AGMO: variants seen among roughly 807,000 people sequenced by gnomAD.
AGMO encodes the protein glyceryl-ether monooxygenase.
A neutral mutation model predicts 60.2 loss-of-function variants in AGMO; 75 were observed. The ratio of observed to expected loss-of-function variants is 1.25; its 90% CI spans 1.03 to 1.51. The LOEUF is 1.51. Among genes scored for constraint, AGMO ranks in the 40% most tolerant of loss-of-function variants. The pLI is 0.00. For synonymous variants in AGMO, 261 were observed against 177.1 expected (o/e 1.47, Z -3.76); for missense variants, 763 against 525.5 (o/e 1.45, Z -4.42).
chr7:15,446,054 T>C (rs1189489898), intron 3 of AGMO, among the ~76,000 whole-genome samples: 2 of 152,238 alleles, frequency 1.3e-5, no homozygotes, highest in East Asian at 3.9e-4. Context: ...GGAAGTGTTA[T>C]TTTCAAAACT....
chr7:15,445,433 G>T (rs987959005), intron 3 of AGMO, among the ~76,000 whole-genome samples: 1 of 151,886 alleles, frequency 6.6e-6, no homozygotes, highest in Non-Finnish European at 1.5e-5. Context: ...TGTTCCTTTG[G>T]TCCTGGGGTT....
Position 15,493,576 on chromosome 7 carries a change from T to C in AGMO, c.409+51196A>G, listed in dbSNP as rs1018489307. Among the ~76,000 whole-genome samples the C allele has an allele frequency of 4.0e-5, 6 of 151,508 alleles. No individual in the cohort carries two copies. The East Asian group carries it at 9.8e-4, about 25-fold the overall frequency. ...TTTTTTAGTAGAGACGGGGTTTCAC[T>C]GTGTTAGCCAGGATGGTCTCGATCT... is the stretch of plus-strand genomic sequence containing the variant. On this transcript the variant is annotated intron_variant, in intron 3 of 12. Coordinates refer to ENST00000342526, the MANE Select transcript of AGMO (RefSeq NM_001004320.2).
intron 10 of AGMO, among the ~76,000 whole-genome samples, chr7:15,370,310 G>A (rs1325760144): frequency 1.3e-5 from 2 of 152,154 alleles, no homozygotes; most frequent in East Asian, 3.9e-4. Flanking sequence ...CCGTTGGTGG[G>A]CACCTAGGTT....
At chr7:15,455,566 T>A (rs1053726046) in intron 3 of AGMO, among the ~76,000 whole-genome samples, 2 of 152,140 alleles carry the variant, frequency 1.3e-5, no homozygotes, top group African/African-American at 4.8e-5. Flanking sequence ...TTATTCCTCC[T>A]TGTCTTGCTA....
chr7:15,206,823 G>T (rs1256631931), intron 12 of AGMO, among the ~76,000 whole-genome samples: 1 of 152,056 alleles, frequency 6.6e-6, no homozygotes, highest in East Asian at 1.9e-4. Flanking sequence ...CATTAAAACA[G>T]AGTTTTCACT....
At chr7:15,325,709 T>A (rs1033193685) in intron 12 of AGMO, among the ~76,000 whole-genome samples, 2 of 152,172 alleles carry the variant, frequency 1.3e-5, no homozygotes, top group African/African-American at 4.8e-5. Flanking sequence ...TTGTACCTTA[T>A]CAGCTCACAT....
At chr7:15,137,487 T>G in the AGMO span, among the ~76,000 whole-genome samples, 1 of 152,224 alleles carries the variant, frequency 6.6e-6, no homozygotes, top group Admixed American at 6.5e-5. Flanking sequence ...AAATTGTTCC[T>G]CAGGGATTTG....
intron 3 of AGMO, among the ~76,000 whole-genome samples, chr7:15,523,003 A>T (rs942960264): frequency 6.6e-6 from 1 of 152,234 alleles, no homozygotes; most frequent in African/African-American, 2.4e-5. Flanking sequence ...TTTACAAGAA[A>T]AAAACAACCT....
intron 10 of AGMO, among the ~76,000 whole-genome samples, chr7:15,368,681 C>A (rs1783082666): frequency 6.6e-6 from 1 of 152,058 alleles, no homozygotes; most frequent in South Asian, 2.1e-4. Flanking sequence ...TGTTCAGGAG[C>A]TTAGGCTAAT....
chr7:15,285,592 C>G (rs1163650077), intron 12 of AGMO, among the ~76,000 whole-genome samples: 1 of 151,982 alleles, frequency 6.6e-6, no homozygotes, highest in African/African-American at 2.4e-5. Context: ...CAAATGGAAA[C>G]ATATCCCAGG....
intron 12 of AGMO, among the ~76,000 whole-genome samples, chr7:15,289,181 T>A (rs1784185952): frequency 6.6e-6 from 1 of 152,136 alleles, no homozygotes; most frequent in Non-Finnish European, 1.5e-5. Context: ...ATAATTTAAA[T>A]CATTAAAATA....
intron 12 of AGMO, among the ~76,000 whole-genome samples, chr7:15,304,066 A>G (rs759016062): frequency 1.3e-5 from 2 of 152,184 alleles, no homozygotes; most frequent in Non-Finnish European, 2.9e-5. Context: ...CCTTTTACAT[A>G]TAACAATGCC....
At chr7:15,274,763 A>G (rs1422115028) in intron 12 of AGMO, among the ~76,000 whole-genome samples, 1 of 150,924 alleles carries the variant, frequency 6.6e-6, no homozygotes, top group Non-Finnish European at 1.5e-5. Context: ...CATATTGAGA[A>G]TTTCTAATGT....
At position 15,294,549 on chromosome 7, in the gene AGMO, C is replaced by T. The variant is rs180690524; in HGVS notation, c.1263+70965G>A. Among the ~76,000 whole-genome samples the T allele has an allele frequency of 1.9e-3, 283 of 151,170 alleles. 1 individual carries two copies. Among genetic ancestry groups the T allele is most frequent in the Non-Finnish European group, 3.1e-3 (208 of 67,624 alleles). On this transcript the variant is annotated intron_variant, in intron 12 of 12. Transcript: ENST00000342526. ...AGGAAAAACTTGAAAAAAATGTGTG[C>T]GACATGTATTTTTAAAGGTCTTAAA...
intron 12 of AGMO, among the ~76,000 whole-genome samples, chr7:15,257,901 AG>A (rs950774677): frequency 6.6e-6 from 1 of 152,198 alleles, no homozygotes; most frequent in Non-Finnish European, 1.5e-5. Context: ...TGCTTCTTAG[AG>A]CCACACCCAA....
chr7:15,534,531 T>A (rs1009742449), intron 3 of AGMO, among the ~76,000 whole-genome samples: 1 of 151,960 alleles, frequency 6.6e-6, no homozygotes, highest in Non-Finnish European at 1.5e-5. Flanking sequence ...CTAACTTCAG[T>A]ATAAATCTAA....
the AGMO span, among the ~76,000 whole-genome samples, chr7:15,126,178 A>G: frequency 6.6e-6 from 1 of 152,050 alleles, no homozygotes; most frequent in Non-Finnish European, 1.5e-5. Context: ...TTTAGACATT[A>G]CCACCTACTA....
chr7:15,435,314 C>CTTTT (rs375796651), intron 3 of AGMO, among the ~76,000 whole-genome samples: 1 of 143,396 alleles, frequency 7.0e-6, no homozygotes, highest in Non-Finnish European at 1.5e-5. Context: ...GTGGCTGTGC[C>CTTTT]TTTTTTTTTT....
At chr7:15,195,049 T>C in the AGMO span, among the ~76,000 whole-genome samples, 1,548 of 152,242 alleles carry the variant, frequency 0.01, 27 homozygotes, top group African/African-American at 0.035. Flanking sequence ...TGGACATCTT[T>C]TACATTTAAC....
Sources: gnomAD v4.1 joint callset for allele counts (sites outside exome capture counted in the v4.1 genomes callset) on GRCh38, gnomAD v4.1.1 for gene constraint, MANE v1.5 for transcripts, NCBI Gene and HGNC (gene_info 2026-07-23, HGNC 2026-07-21) for gene names.